Variants in CCK observed in about 807,000 individuals in gnomAD.
CCK encodes cholecystokinin.
CCK carries 11 observed loss-of-function variants against 10.1 expected under a neutral mutation model. The ratio of observed to expected loss-of-function variants is 1.09; its 90% CI spans 0.69 to 1.81. The LOEUF (loss-of-function observed/expected upper bound fraction) is 1.81. Among genes scored for constraint, CCK ranks in the 40% most tolerant of loss-of-function variants. The probability of loss-of-function intolerance (pLI) is 0.00; values close to 1 mark genes in which losing one functional copy is unlikely to be tolerated. For synonymous variants in CCK, 83 were observed against 71.9 expected (o/e 1.15, Z -0.78); for missense variants, 137 against 159.9 (o/e 0.86, Z 0.77).
Position 42,258,152 on chromosome 3 carries a change from C to T in CCK, c.294G>A (p.Met98Ile). The T allele has an allele frequency of 6.2e-7, 1 of 1,614,150 alleles. No individual in the cohort carries two copies. Among genetic ancestry groups the T allele is most frequent in the South Asian group, 1.1e-5 (1 of 91,076 alleles). The stretch of plus-strand genomic sequence containing the variant: ...TGCGACGGCCAAAATCCATCCAGCC[C>T]ATGTAGTCCCGGTCACTTATCCTGT... ...PSHRISDRDY[M>I]GWMDFGRRSA... The change falls in exon 5 of 5, where the codon ATG becomes ATA. Residue 98 changes from methionine to isoleucine, a missense_variant. Met to Ile is a conservative substitution (Grantham distance 10). Coordinates refer to ENST00000396169, the MANE Select transcript of CCK (RefSeq NM_000729.6).
chr3:42,258,902 A>G (rs1380594049), intron 4 of CCK, among the ~76,000 whole-genome samples: 1 of 152,242 alleles, frequency 6.6e-6, no homozygotes, highest in Non-Finnish European at 1.5e-5. Flanking sequence ...ACACATGCAC[A>G]TGTACGTTTA....
At chr3:42,259,963 C>A (rs559439703) in intron 4 of CCK, among the ~76,000 whole-genome samples, 2 of 152,182 alleles carry the variant, frequency 1.3e-5, no homozygotes, top group Non-Finnish European at 2.9e-5. Context: ...GGTCTATATC[C>A]CTTCTGCATG....
intron 4 of CCK, among the ~76,000 whole-genome samples, chr3:42,262,257 G>A (rs902195167): frequency 1.1e-5 from 1 of 91,816 alleles, no homozygotes; most frequent in African/African-American, 4.2e-5. Context: ...TTTCACTCTT[G>A]TTGCTCAGGC....
rs974216651 is a variant in CCK at position 42,263,795 on chromosome 3, G to C, written c.-2-163C>G. ...CTCGCCAAGCGCTGACCCCAGCCGA[G>C]TGCCATGGCGCGCGCCCCCGGGCGC... On this transcript the variant is annotated intron_variant, in intron 3 of 4. Coordinates refer to ENST00000396169, the MANE Select transcript of CCK (RefSeq NM_000729.6). The C allele has an allele frequency of 4.0e-6, 5 of 1,260,978 alleles. 1 individual carries two copies. In the South Asian group the frequency reaches 1.0e-4, roughly 25 times the overall value. The allele number at this position is 1,260,978 out of a possible 1,614,324, so 78.1% of individuals were successfully genotyped here.
chr3:42,260,651 C>T (rs1032991155), intron 4 of CCK, among the ~76,000 whole-genome samples: 23 of 152,126 alleles, frequency 1.5e-4, no homozygotes, highest in Middle Eastern at 6.3e-3. Flanking sequence ...AAGAGATGGA[C>T]GGGCCTCCCT....
intron 4 of CCK, among the ~76,000 whole-genome samples, chr3:42,260,943 T>C (rs1000102664): frequency 6.6e-6 from 1 of 152,174 alleles, no homozygotes; most frequent in African/African-American, 2.4e-5. Context: ...TGCGTAGATA[T>C]GCAACTGCAT....
chr3:42,262,002 C>A (rs138587739), intron 4 of CCK, among the ~76,000 whole-genome samples: 1 of 152,288 alleles, frequency 6.6e-6, no homozygotes, highest in East Asian at 1.9e-4. Flanking sequence ...CTGATTTGTT[C>A]TTTCCTTCTG....
chr3:42,263,821 A>T (rs1006412659), intron 3 of CCK, 189 bp from the exon 4 acceptor site: 65 of 967,230 alleles, frequency 6.7e-5, no homozygotes, highest in Non-Finnish European at 8.1e-5. Flanking sequence ...CCCCGGGCGC[A>T]CCTGGCTGGT....
At chr3:42,265,048 ACT>A (rs1711266809) in intron 2 of CCK, 141 bp from the exon 3 acceptor site, 1 of 151,170 alleles carries the variant, frequency 6.6e-6, no homozygotes, top group Non-Finnish European at 1.5e-5. Flanking sequence ...CCAGAGCAGT[ACT>A]CTCCAAGGTG....
chr3:42,258,048 C>T lies in CCK; in HGVS notation c.*50G>A, dbSNP rs747193408. 1 of 1,570,750 alleles carries T rather than the reference C, an allele frequency of 6.4e-7. No homozygotes were observed. Among genetic ancestry groups the T allele is most frequent in the Admixed American group, 1.9e-5 (1 of 53,024 alleles). On this transcript the variant is annotated 3_prime_UTR_variant, in exon 5 of 5. Transcript: ENST00000396169. The stretch of plus-strand genomic sequence containing the variant: ...GTGTGATTGTTTTCTTATTCTGCCT[C>T]CTCTGGGTTGGGAGGTTGCTTCCCG...
chr3:42,265,483 G>T (rs1226883539), intron 1 of CCK, 46 bp from the exon 2 acceptor site: 1 of 152,166 alleles, frequency 6.6e-6, no homozygotes, highest in Non-Finnish European at 1.5e-5. Flanking sequence ...AGAGGAATCC[G>T]GTTTGGGAAA....
chr3:42,263,733 G>C, intron 3 of CCK, 101 bp from the exon 4 acceptor site: 1 of 1,437,406 alleles, frequency 7.0e-7, no homozygotes, highest in Admixed American at 2.9e-5. Context: ...ACAAACACAG[G>C]TGCTCCAGAC....
At chr3:42,263,814 C>A in intron 3 of CCK, 182 bp from the exon 4 acceptor site, 1 of 1,049,234 alleles carries the variant, frequency 9.5e-7, no homozygotes, top group Non-Finnish European at 1.3e-6. Context: ...CGCGCGCCCC[C>A]GGGCGCACCT....
intron 4 of CCK, among the ~76,000 whole-genome samples, chr3:42,258,696 T>C (rs1345314172): frequency 1.3e-5 from 2 of 152,170 alleles, no homozygotes; most frequent in Non-Finnish European, 2.9e-5. Flanking sequence ...GCTCTTGTTA[T>C]TAAGGTGGCA....
intron 4 of CCK, among the ~76,000 whole-genome samples, chr3:42,261,608 CT>C (rs3073696): frequency 4.1e-4 from 59 of 145,678 alleles, no homozygotes; most frequent in African/African-American, 1.3e-3. Flanking sequence ...TGGTAATGAG[CT>C]TTTTTTTTTT....
At chr3:42,263,060 G>A (rs1012339755) in intron 4 of CCK, 12 of 378,628 alleles carry the variant, frequency 3.2e-5, no homozygotes, top group Non-Finnish European at 6.0e-5. Context: ...CCAAGGGTTG[G>A]TATCTGGGTG....
intron 4 of CCK, 110 bp from the exon 5 acceptor site, chr3:42,258,341 A>G: frequency 8.5e-7 from 1 of 1,173,268 alleles, no homozygotes; most frequent in South Asian, 1.5e-5. Flanking sequence ...AACAGACACC[A>G]CCTTAAAGGT....
Position 42,257,943 on chromosome 3 carries a change from T to A in CCK, c.*155A>T, listed in dbSNP as rs1370952694. The A allele has an allele frequency of 5.2e-6, 4 of 776,618 alleles. No individual in the cohort carries two copies. The South Asian group carries it at 8.5e-5, about 16-fold the overall frequency. The allele number at this position is 776,618 out of a possible 1,614,324, so 48.1% of individuals were successfully genotyped here. On this transcript the variant is annotated 3_prime_UTR_variant, in exon 5 of 5. Coordinates refer to ENST00000396169, the MANE Select transcript of CCK (RefSeq NM_000729.6). ...TGAGGTGTGTGGTTGCACTGGACAA[T>A]CTTACAGACACATTTTTCACATTGA...
At position 42,263,603 on chromosome 3, in the gene CCK, G is replaced by C. The variant is rs776538696; in HGVS notation, c.28C>G (p.Leu10Val). 1.9e-6 allele frequency: 3 copies of C among 1,604,166 alleles called. No homozygotes were observed. In the East Asian group the frequency reaches 6.7e-5, roughly 36 times the overall value. ...GCGCCAGCCGCCAGTACCGCCATCA[G>C]CACGCACAGGCACACGCCGCTGTTC... MNSGVCLCVLMAVLAAGALT... is the reference protein window; with the variant it reads MNSGVCLCVVMAVLAAGALT... The change falls in exon 4 of 5, where the codon CTG becomes GTG. Residue 10 changes from leucine (L) to valine (V), a missense_variant. By Grantham distance (32) the Leu-to-Val change is conservative. Transcript: ENST00000396169.
Sources: allele counts gnomAD v4.1 joint callset (sites outside exome capture counted in the v4.1 genomes callset), GRCh38; gene constraint gnomAD v4.1.1; transcripts MANE v1.5; gene names NCBI Gene and HGNC (gene_info 2026-07-23, HGNC 2026-07-21).